The following RDX variants were observed in gnomAD, a reference collection of about 807,000 sequenced individuals.
RDX encodes radixin, also known as deafness, autosomal recessive 24.
In RDX, 32 loss-of-function variants were observed where a neutral mutation model predicts 83.7. The ratio of observed to expected loss-of-function variants is 0.38; its 90% CI spans 0.29 to 0.51. RDX has a LOEUF of 0.51. Ranked by LOEUF, RDX falls within the 20% of genes least tolerant of loss-of-function variation. The pLI, the probability that RDX is intolerant of heterozygous loss-of-function variation, is 0.87. For synonymous variants in RDX, 229 were observed against 222.7 expected (o/e 1.03, Z -0.25); for missense variants, 600 against 689.9 (o/e 0.87, Z 1.46).
At chr11:110,199,727 C>G (rs1363361289) in intron 14 of RDX, 1 of 702,828 alleles carries the variant, frequency 1.4e-6, no homozygotes, top group Non-Finnish European at 2.6e-6. Flanking sequence ...CAAAAGAACA[C>G]AGTAGGAAGC....
intron 1 of RDX, among the ~76,000 whole-genome samples, chr11:110,289,624 G>A (rs1243544059): frequency 6.6e-6 from 1 of 152,006 alleles, no homozygotes; most frequent in East Asian, 1.9e-4. Flanking sequence ...TTCACTCAGA[G>A]TCCTTATGTT....
chr11:110,279,728 T>C lies in RDX; in HGVS notation c.-36A>G. On this transcript the variant is annotated 5_prime_UTR_variant, in exon 2 of 14. Transcript: ENST00000645495. ...TTTTTGTTACCTTCTTTAAAAATTC[T>C]CCACTTCAATGAATTCTGTTATCAC... The C allele has an allele frequency of 7.1e-7, 1 of 1,410,870 alleles. No homozygotes were observed. Among genetic ancestry groups the C allele is most frequent in the Non-Finnish European group, 1.0e-6 (1 of 999,610 alleles). The allele number at this position is 1,410,870 out of a possible 1,614,324, so 87.4% of individuals were successfully genotyped here. A position where few individuals can be genotyped will look rare whatever the true frequency, so the allele number is the denominator to read the frequency against.
Position 110,192,769 on chromosome 11 carries a change from G to A in RDX, c.*31+6812C>T, listed in dbSNP as rs143829445. Among the ~76,000 whole-genome samples, 1,258 of 152,002 alleles carry A rather than the reference G, an allele frequency of 8.3e-3. 21 individuals are homozygous for A. The highest frequency in any genetic ancestry group is 0.026 in the African/African-American group (1,075 of 41,458). ...CGACAAACATATGAAAAAATGTTCC[G>A]CATCACTAATTACCAGAGAAATGCA... On this transcript the variant is annotated intron_variant, in intron 15 of 15. Coordinates refer to the RDX transcript ENST00000528498.
intron 3 of RDX, among the ~76,000 whole-genome samples, chr11:110,268,207 T>C (rs985571728): frequency 4.6e-5 from 7 of 151,290 alleles, no homozygotes; most frequent in Non-Finnish European, 7.4e-5. Flanking sequence ...ACTCAGGAGG[T>C]TGAGGCGGAG....
chr11:110,237,748 A>G (rs1409083945), intron 10 of RDX, 96 bp from the exon 11 acceptor site: 1 of 1,370,772 alleles, frequency 7.3e-7, no homozygotes, highest in Admixed American at 1.7e-5. Context: ...AAATCTGTTC[A>G]ATTTCTAAAA....
At chr11:110,267,701 C>CG (rs1860114541) in intron 3 of RDX, among the ~76,000 whole-genome samples, 1 of 151,752 alleles carries the variant, frequency 6.6e-6, no homozygotes, top group East Asian at 1.9e-4. Context: ...CAGTGGCTCA[C>CG]ATCTGTGATC....
At chr11:110,247,283 C>T (rs867372218) in intron 10 of RDX, among the ~76,000 whole-genome samples, 3 of 152,028 alleles carry the variant, frequency 2.0e-5, no homozygotes, top group Non-Finnish European at 4.4e-5. Flanking sequence ...CAAAAAAGTT[C>T]ATATAGTCAG....
intron 10 of RDX, chr11:110,237,906 G>C (rs377160808): frequency 1.2e-4 from 59 of 506,456 alleles, no homozygotes; most frequent in African/African-American, 1.1e-3. Flanking sequence ...CAAGTAGCTA[G>C]GACTACAGGC....
At chr11:110,256,808 C>T (rs918863116) in intron 7 of RDX, among the ~76,000 whole-genome samples, 2 of 152,118 alleles carry the variant, frequency 1.3e-5, no homozygotes, top group African/African-American at 4.8e-5. Flanking sequence ...TTCTAACTTG[C>T]TTTGTAATAA....
chr11:110,238,100 C>A (rs1489464987), intron 10 of RDX, among the ~76,000 whole-genome samples: 1 of 152,158 alleles, frequency 6.6e-6, no homozygotes, highest in Non-Finnish European at 1.5e-5. Context: ...ATCTATAATA[C>A]ATTTCAAAAC....
intron 13 of RDX, among the ~76,000 whole-genome samples, chr11:110,232,978 T>C (rs1338250460): frequency 6.6e-6 from 1 of 152,214 alleles, no homozygotes; most frequent in Non-Finnish European, 1.5e-5. Context: ...TTAGAATACT[T>C]TCTACCTTTT....
At chr11:110,290,645 T>G (rs557368565) in intron 1 of RDX, among the ~76,000 whole-genome samples, 77 of 152,348 alleles carry the variant, frequency 5.1e-4, no homozygotes, top group African/African-American at 1.7e-3. Flanking sequence ...ATATAATAAC[T>G]GTCCAAATGT....
intron 10 of RDX, among the ~76,000 whole-genome samples, chr11:110,244,089 T>C (rs921729746): frequency 2.0e-5 from 3 of 152,020 alleles, no homozygotes; most frequent in Non-Finnish European, 2.9e-5. Context: ...CTTAGTCAAA[T>C]AGTGGAAACA....
intron 9 of RDX, among the ~76,000 whole-genome samples, chr11:110,252,969 A>G (rs1235360333): frequency 1.3e-5 from 2 of 152,202 alleles, no homozygotes; most frequent in Non-Finnish European, 2.9e-5. Context: ...ATTAGTAATT[A>G]CTGACAAGCT....
chr11:110,268,217 G>A (rs1385554113), intron 3 of RDX, among the ~76,000 whole-genome samples: 3 of 150,932 alleles, frequency 2.0e-5, no homozygotes, highest in Non-Finnish European at 4.4e-5. Flanking sequence ...TTGAGGCGGA[G>A]AACTGCTTGA....
intron 2 of RDX, among the ~76,000 whole-genome samples, chr11:110,274,843 C>G (rs1369202767): frequency 6.6e-6 from 1 of 152,166 alleles, no homozygotes; most frequent in African/African-American, 2.4e-5. Context: ...AACACTGTTT[C>G]CAATTTTTTG....
At chr11:110,279,251 C>A (rs1211202673) in intron 2 of RDX, among the ~76,000 whole-genome samples, 1 of 152,160 alleles carries the variant, frequency 6.6e-6, no homozygotes, top group East Asian at 1.9e-4. Context: ...AAAGGTCACC[C>A]AGATTGGTGG....
chr11:110,180,938 T>C (rs1213437846), intron 15 of RDX, among the ~76,000 whole-genome samples: 1 of 152,066 alleles, frequency 6.6e-6, no homozygotes, highest in Non-Finnish European at 1.5e-5. Flanking sequence ...ACTGTGTGGC[T>C]CCTTTATCGC....
chr11:110,287,813 A>C (rs1481850572), intron 1 of RDX, among the ~76,000 whole-genome samples: 1 of 152,236 alleles, frequency 6.6e-6, no homozygotes, highest in Non-Finnish European at 1.5e-5. Flanking sequence ...AAAAGAAATT[A>C]AGATTCAGAT....
Sources: gnomAD v4.1 joint callset for allele counts (sites outside exome capture counted in the v4.1 genomes callset) on GRCh38, gnomAD v4.1.1 for gene constraint, MANE v1.5 for transcripts, NCBI Gene and HGNC (gene_info 2026-07-23, HGNC 2026-07-21) for gene names.